Variants in SPATA13 observed in about 807,000 individuals in gnomAD.
SPATA13 encodes the protein spermatogenesis-associated protein 13.
SPATA13 carries 50 observed loss-of-function variants against 104.0 expected under a neutral mutation model. The observed-to-expected ratio is 0.48, with a 90% CI of 0.38 to 0.61. The LOEUF is 0.61. SPATA13 is among the 20% of genes least tolerant of loss of function. The pLI, the probability that SPATA13 is intolerant of heterozygous loss-of-function variation, is 0.00. For synonymous variants in SPATA13, 606 were observed against 667.5 expected (o/e 0.91, Z 1.42); for missense variants, 1,524 against 1,690.6 (o/e 0.90, Z 1.73).
intron 2 of SPATA13, among the ~76,000 whole-genome samples, chr13:24,241,212 T>G (rs1288088194): frequency 6.6e-6 from 1 of 152,232 alleles, no homozygotes; most frequent in Non-Finnish European, 1.5e-5. Flanking sequence ...TATTTTTACC[T>G]ACAAGCCATA....
intron 2 of SPATA13, among the ~76,000 whole-genome samples, chr13:24,233,902 C>T (rs1872424349): frequency 6.6e-6 from 1 of 151,810 alleles, no homozygotes; most frequent in South Asian, 2.1e-4. Flanking sequence ...CACACACACA[C>T]ACACACACAC....
intron 3 of SPATA13, among the ~76,000 whole-genome samples, chr13:24,099,547 C>T (rs1180486580): frequency 6.6e-6 from 1 of 152,188 alleles, no homozygotes; most frequent in East Asian, 1.9e-4. Flanking sequence ...CTTCAGACCC[C>T]ATGCATCCAC....
intron 12 of SPATA13, 142 bp from the exon 13 acceptor site, chr13:24,302,456 T>G (rs1877255746): frequency 2.1e-6 from 1 of 483,320 alleles, no homozygotes; most frequent in African/African-American, 3.5e-5. Flanking sequence ...TAAGACCCTG[T>G]CTCAAAAAAA....
chr13:24,281,779 G>C (rs1484104382), intron 4 of SPATA13, among the ~76,000 whole-genome samples: 1 of 152,162 alleles, frequency 6.6e-6, no homozygotes, highest in East Asian at 1.9e-4. Flanking sequence ...CCAGGTGGGA[G>C]GTGGCCTGAG....
chr13:24,086,641 C>T (rs1879731740), intron 3 of SPATA13, among the ~76,000 whole-genome samples: 1 of 152,132 alleles, frequency 6.6e-6, no homozygotes, highest in Non-Finnish European at 1.5e-5. Flanking sequence ...CTGGGAATGC[C>T]ACAGAAGACA....
chr13:24,134,282 C>G (rs1881483429), intron 3 of SPATA13, among the ~76,000 whole-genome samples: 1 of 152,150 alleles, frequency 6.6e-6, no homozygotes, highest in Non-Finnish European at 1.5e-5. Flanking sequence ...TGGGGCTTTT[C>G]CAAGTACCCT....
intron 2 of SPATA13, among the ~76,000 whole-genome samples, chr13:24,248,037 G>A (rs926178646): frequency 6.6e-6 from 1 of 152,226 alleles, no homozygotes; most frequent in African/African-American, 2.4e-5. Flanking sequence ...CCCATGGCCT[G>A]ACTGACAGCC....
intron 1 of SPATA13, among the ~76,000 whole-genome samples, chr13:24,198,383 C>G (rs181977517): frequency 6.6e-6 from 1 of 152,270 alleles, no homozygotes; most frequent in Non-Finnish European, 1.5e-5. Context: ...TAGGAAGTCT[C>G]TTTATAATAA....
intron 3 of SPATA13, among the ~76,000 whole-genome samples, chr13:24,070,994 A>G (rs190070560): frequency 4.0e-4 from 61 of 152,202 alleles, no homozygotes; most frequent in African/African-American, 1.4e-3. Flanking sequence ...CCCTTTATGT[A>G]TATGTCTACG....
intron 3 of SPATA13, among the ~76,000 whole-genome samples, chr13:24,106,048 T>G (rs1294710041): frequency 6.6e-6 from 1 of 152,130 alleles, no homozygotes; most frequent in Non-Finnish European, 1.5e-5. Flanking sequence ...CCAAAGAAGA[T>G]TTCTTTTATT....
At position 24,167,892 on chromosome 13, in the gene SPATA13, G is replaced by C. The variant is rs150403487; in HGVS notation, c.-112+6960G>C. ...CAGCAAATGTTGAGCAACTGCATCG[G>C]CCCTGACACTGAGCTCACAGTTTTA... On this transcript the variant is annotated intron_variant, in intron 1 of 12. Coordinates refer to ENST00000382108, the MANE Select transcript of SPATA13 (RefSeq NM_001166271.3). Among the ~76,000 whole-genome samples the C allele has an allele frequency of 1.5e-3, 221 of 152,202 alleles. 1 individual carries two copies. The highest frequency in any genetic ancestry group is 4.5e-3 in the African/African-American group (188 of 41,532).
intron 4 of SPATA13, among the ~76,000 whole-genome samples, chr13:24,283,580 CT>C (rs1443964180): frequency 6.6e-6 from 1 of 152,230 alleles, no homozygotes; most frequent in African/African-American, 2.4e-5. Context: ...ATCTTTCTCT[CT>C]CTTTTCTGGT....
intron 3 of SPATA13, among the ~76,000 whole-genome samples, chr13:24,037,950 C>T (rs1421208832): frequency 6.6e-6 from 1 of 151,810 alleles, no homozygotes. Flanking sequence ...CTCGCTCTGT[C>T]ACCCAGGCTG....
chr13:24,138,137 T>TAA (rs11321247), intron 3 of SPATA13, among the ~76,000 whole-genome samples: 5,877 of 144,872 alleles, frequency 0.041, 335 homozygotes, highest in African/African-American at 0.13. Context: ...CCATCTCTTC[T>TAA]AAAAAAAAAA....
chr13:24,287,205 G>C (rs1431448291), intron 7 of SPATA13, among the ~76,000 whole-genome samples: 1 of 152,146 alleles, frequency 6.6e-6, no homozygotes. Flanking sequence ...CTGTCATGCA[G>C]ACTGGAGTAC....
intron 3 of SPATA13, among the ~76,000 whole-genome samples, chr13:24,130,345 A>T (rs1881354527): frequency 6.6e-6 from 1 of 152,184 alleles, no homozygotes. Context: ...ACCTCCCTGT[A>T]ACTGGATCAA....
At chr13:24,272,761 A>G (rs1444186395) in intron 4 of SPATA13, 3 of 152,236 alleles carry the variant, frequency 2.0e-5, no homozygotes, top group African/African-American at 7.2e-5. Context: ...CAACTTGGGG[A>G]AAGTTACTTA....
intron 3 of SPATA13, among the ~76,000 whole-genome samples, chr13:24,062,940 G>A (rs190907641): frequency 1.8e-4 from 28 of 152,282 alleles, no homozygotes; most frequent in Non-Finnish European, 2.2e-4. Context: ...GACAGTGCCA[G>A]GGCCTCCAAG....
intron 1 of SPATA13, among the ~76,000 whole-genome samples, chr13:24,174,340 C>T (rs1883126657): frequency 6.6e-6 from 1 of 151,694 alleles, no homozygotes; most frequent in South Asian, 2.1e-4. Flanking sequence ...TATATCTGCT[C>T]TTACCTTAAT....
Sources: gnomAD v4.1 joint callset for allele counts (sites outside exome capture counted in the v4.1 genomes callset) on GRCh38, gnomAD v4.1.1 for gene constraint, MANE v1.5 for transcripts, NCBI Gene and HGNC (gene_info 2026-07-23, HGNC 2026-07-21) for gene names.